Variants in NME7 observed in about 807,000 individuals in gnomAD.
NME7 encodes the protein NME/NM23 family member 7.
Under a neutral mutation model 49.1 loss-of-function variants are expected in NME7, and 41 were observed. The ratio of observed to expected loss-of-function variants is 0.83; its 90% confidence interval spans 0.65 to 1.08. The LOEUF is 1.08. Among genes scored for constraint, NME7 ranks in the 50% least tolerant of loss-of-function variants. The probability of loss-of-function intolerance (pLI) is 0.00; values close to 1 mark genes in which losing one functional copy is unlikely to be tolerated. For synonymous variants in NME7, 139 were observed against 150.6 expected (o/e 0.92, Z 0.56); for missense variants, 423 against 463.4 (o/e 0.91, Z 0.80).
intron 6 of NME7, among the ~76,000 whole-genome samples, chr1:169,296,293 C>A (rs1022321201): frequency 6.6e-6 from 1 of 152,162 alleles, no homozygotes; most frequent in African/African-American, 2.4e-5. Flanking sequence ...ATCCACATTG[C>A]AAAATTTAAC....
intron 9 of NME7, among the ~76,000 whole-genome samples, chr1:169,233,147 T>C (rs1344738698): frequency 6.6e-6 from 1 of 151,930 alleles, no homozygotes; most frequent in African/African-American, 2.4e-5. Context: ...TATTGTTGGG[T>C]TTATAGCATA....
rs10800428 is a variant in NME7 at position 169,303,215 on chromosome 1, G to A, written c.390-20C>T. 1,310,344 of 1,367,034 alleles carry A rather than the reference G, an allele frequency of 0.96. 628,199 individuals are homozygous for A. Among genetic ancestry groups the A allele is most frequent in the East Asian group, 1 (39,712 of 39,720 alleles). The allele number at this position is 1,367,034 out of a possible 1,614,324, so 84.7% of individuals were successfully genotyped here. ...TCTTTCCTATAAAATAATCAAAAAG[G>A]CAATAGTTAAGAATTATAAAATTAA... is the stretch of plus-strand genomic sequence containing the variant. On this transcript the variant is annotated intron_variant, in intron 4 of 11. Coordinates refer to ENST00000367811, the MANE Select transcript of NME7 (RefSeq NM_013330.5).
intron 7 of NME7, among the ~76,000 whole-genome samples, chr1:169,277,205 G>A (rs568848655): frequency 0.016 from 2,440 of 148,478 alleles, 100 homozygotes; most frequent in African/African-American, 0.055. Flanking sequence ...TATTAGGTCC[G>A]CTTGGTGCAG....
chr1:169,183,659 G>A (rs573712376), intron 10 of NME7, among the ~76,000 whole-genome samples: 15 of 150,128 alleles, frequency 1.0e-4, no homozygotes, highest in Admixed American at 4.8e-4. Flanking sequence ...AAAATTAGCC[G>A]GGCATGGTGG....
intron 10 of NME7, among the ~76,000 whole-genome samples, chr1:169,172,046 T>C (rs1236837750): frequency 1.3e-5 from 2 of 152,092 alleles, no homozygotes; most frequent in African/African-American, 4.8e-5. Flanking sequence ...CAAGCAAATG[T>C]GAAGGCGCTG....
At chr1:169,182,891 T>C (rs944364024) in intron 10 of NME7, among the ~76,000 whole-genome samples, 2 of 152,176 alleles carry the variant, frequency 1.3e-5, no homozygotes, top group Non-Finnish European at 2.9e-5. Flanking sequence ...TTAGGCTATA[T>C]TAGATCCTTC....
chr1:169,309,917 A>T, intron 4 of NME7, 53 bp downstream of exon 4: 3 of 1,042,154 alleles, frequency 2.9e-6, no homozygotes, highest in Non-Finnish European at 4.3e-6. Context: ...ACAGAAAATG[A>T]TTTTTTAAAA....
Position 169,270,048 on chromosome 1 carries a change from G to A in NME7, c.754+17255C>T, listed in dbSNP as rs761133613. Among the ~76,000 whole-genome samples, 8 of 133,150 alleles carry A rather than the reference G, an allele frequency of 6.0e-5. 1 individual carries two copies. Among genetic ancestry groups the A allele is most frequent in the Non-Finnish European group, 8.8e-5 (5 of 56,778 alleles). 87.4% of individuals were successfully genotyped at this position (133,150 alleles called of 152,430 possible). ...GGCCTCCTAGAGTACTGGGATTACTGGCATGAGCCACCATGCCTGGCCAAA... is the reference window on the plus strand; with the variant it reads ...GGCCTCCTAGAGTACTGGGATTACTAGCATGAGCCACCATGCCTGGCCAAA... On this transcript the variant is annotated intron_variant, in intron 7 of 11. Transcript: ENST00000367811.
chr1:169,250,137 T>C (rs1266667461), intron 7 of NME7, among the ~76,000 whole-genome samples: 1 of 152,044 alleles, frequency 6.6e-6, no homozygotes, highest in African/African-American at 2.4e-5. Context: ...TTTTGATTAG[T>C]GATTCAATCG....
At chr1:169,232,546 G>T (rs1358467571) in intron 9 of NME7, among the ~76,000 whole-genome samples, 1 of 128,424 alleles carries the variant, frequency 7.8e-6, no homozygotes, top group Non-Finnish European at 1.7e-5. Flanking sequence ...TTTATAAGCA[G>T]CCAGGGTGTT....
intron 1 of NME7, among the ~76,000 whole-genome samples, chr1:169,356,971 C>G (rs971268385): frequency 1.3e-4 from 20 of 152,164 alleles, no homozygotes; most frequent in African/African-American, 4.3e-4. Flanking sequence ...TCATTAGCCT[C>G]TCTTCTGTGT....
At chr1:169,217,666 A>T (rs576304311) in intron 10 of NME7, among the ~76,000 whole-genome samples, 1 of 152,294 alleles carries the variant, frequency 6.6e-6, no homozygotes, top group Admixed American at 6.5e-5. Context: ...TTAACACAAC[A>T]GTAGGATAAA....
chr1:169,179,086 G>A (rs187375000), intron 10 of NME7, among the ~76,000 whole-genome samples: 9 of 152,266 alleles, frequency 5.9e-5, no homozygotes, highest in African/African-American at 2.2e-4. Context: ...CTCCCAAGGT[G>A]CTGGGATTAC....
At chr1:169,193,854 A>C (rs1660300258) in intron 10 of NME7, among the ~76,000 whole-genome samples, 1 of 152,200 alleles carries the variant, frequency 6.6e-6, no homozygotes, top group African/African-American at 2.4e-5. Context: ...GAAATAAAAG[A>C]GGTAAAATGT....
chr1:169,285,777 T>C (rs1354981814), intron 7 of NME7: 1 of 152,154 alleles, frequency 6.6e-6, no homozygotes, highest in Admixed American at 6.6e-5. Flanking sequence ...CCATGCTGCA[T>C]GTTAGTTACT....
intron 10 of NME7, among the ~76,000 whole-genome samples, chr1:169,183,640 A>T (rs1246390965): frequency 6.6e-6 from 1 of 151,922 alleles, no homozygotes; most frequent in Non-Finnish European, 1.5e-5. Context: ...TCTCTACTGA[A>T]AATACAAAAA....
intron 1 of NME7, among the ~76,000 whole-genome samples, chr1:169,341,786 A>G (rs1652713293): frequency 6.6e-6 from 1 of 152,152 alleles, no homozygotes; most frequent in Non-Finnish European, 1.5e-5. Context: ...AATTTTTTTA[A>G]CAAGTACCCT....
intron 1 of NME7, among the ~76,000 whole-genome samples, chr1:169,344,795 T>C (rs1260119176): frequency 2.6e-5 from 4 of 152,194 alleles, no homozygotes; most frequent in African/African-American, 9.6e-5. Context: ...ATTCATGATG[T>C]TGGTCTGCAG....
At chr1:169,244,719 T>C (rs1391516462) in intron 7 of NME7, among the ~76,000 whole-genome samples, 1 of 152,134 alleles carries the variant, frequency 6.6e-6, no homozygotes, top group Non-Finnish European at 1.5e-5. Context: ...GTTTTCATAG[T>C]TAATAATCTA....
Sources: allele counts gnomAD v4.1 joint callset (sites outside exome capture counted in the v4.1 genomes callset), GRCh38; gene constraint gnomAD v4.1.1; transcripts MANE v1.5; gene names NCBI Gene and HGNC (gene_info 2026-07-23, HGNC 2026-07-21).